Variants in BTG4 observed in about 807,000 individuals in gnomAD.
The protein encoded by BTG4 is BTG anti-proliferation factor 4.
BTG4 carries 10 observed loss-of-function variants against 19.3 expected under a neutral mutation model. That is an observed-to-expected ratio of 0.52 (90% confidence interval 0.32 to 0.88). BTG4 has a LOEUF of 0.88. Ranked by LOEUF, BTG4 falls within the 40% of genes least tolerant of loss-of-function variation. The probability of loss-of-function intolerance (pLI) is 0.04; values close to 1 mark genes in which losing one functional copy is unlikely to be tolerated. For synonymous variants in BTG4, 91 were observed against 95.7 expected (o/e 0.95, Z 0.29); for missense variants, 238 against 281.9 (o/e 0.84, Z 1.11).
the BTG4 span, chr11:111,404,600 A>G: frequency 2.2e-6 from 1 of 456,150 alleles, no homozygotes. Flanking sequence ...AGGGTAACAG[A>G]CCCCACATTG....
the BTG4 span, among the ~76,000 whole-genome samples, chr11:111,461,306 G>A: frequency 2.6e-5 from 4 of 152,188 alleles, no homozygotes; most frequent in African/African-American, 9.7e-5. Context: ...ACGATATGAG[G>A]AGGGTGAGAA....
the BTG4 span, among the ~76,000 whole-genome samples, chr11:111,435,538 G>A: frequency 6.6e-6 from 1 of 152,194 alleles, no homozygotes; most frequent in African/African-American, 2.4e-5. Context: ...GGCGAGGAAA[G>A]GAATTCTTTG....
intron 2 of BTG4, 27 bp from the exon 3 acceptor site, chr11:111,498,162 G>A (rs771963477): frequency 1.2e-6 from 2 of 1,611,406 alleles, no homozygotes; most frequent in Admixed American, 3.3e-5. Flanking sequence ...GGGAAACGAA[G>A]ACATGATGAC....
the BTG4 span, chr11:111,384,863 T>C: frequency 6.6e-6 from 1 of 152,126 alleles, no homozygotes; most frequent in East Asian, 1.9e-4. Context: ...GAGAACACCA[T>C]TTATATTATA....
At chr11:111,478,745 C>T (rs1864548803) in intron 5 of BTG4, among the ~76,000 whole-genome samples, 1 of 151,832 alleles carries the variant, frequency 6.6e-6, no homozygotes, top group South Asian at 2.1e-4. Context: ...ATAGGCTCAA[C>T]AGTAAAACGG....
chr11:111,456,588 C>A, the BTG4 span: 4 of 454,570 alleles, frequency 8.8e-6, no homozygotes, highest in Non-Finnish European at 1.8e-5. This position sits in a 1 kb window ranked among gnomAD's most constrained non-coding sequence, Gnocchi z 4.2. Flanking sequence ...CTGGCCCCAA[C>A]TCCTTGATGC....
chr11:111,513,268 C>G (rs541155753), upstream of BTG4, among the ~76,000 whole-genome samples: 3 of 152,362 alleles, frequency 2.0e-5, no homozygotes, highest in Admixed American at 1.3e-4. Flanking sequence ...TGAAGCCCCT[C>G]CATCCATGTA....
the BTG4 span, among the ~76,000 whole-genome samples, chr11:111,434,386 C>T: frequency 1.8e-4 from 27 of 152,142 alleles, no homozygotes; most frequent in African/African-American, 4.3e-4. Context: ...GAACATCCCA[C>T]ACTGGGGCCT....
the BTG4 span, among the ~76,000 whole-genome samples, chr11:111,429,601 A>G: frequency 2.2e-4 from 34 of 152,346 alleles, no homozygotes; most frequent in African/African-American, 7.0e-4. Context: ...AGGAAAAGGG[A>G]CATTTCTGGA....
intron 1 of BTG4, 142 bp from the exon 2 acceptor site, chr11:111,498,944 G>A (rs1865905960): frequency 3.5e-6 from 2 of 574,328 alleles, no homozygotes; most frequent in African/African-American, 3.8e-5. Context: ...AGTAAACTAG[G>A]TAAGTACATG....
chr11:111,399,710 A>G, the BTG4 span, among the ~76,000 whole-genome samples: 1 of 152,166 alleles, frequency 6.6e-6, no homozygotes, highest in African/African-American at 2.4e-5. Flanking sequence ...GCAGTCTCTG[A>G]GAGTGAACTC....
At chr11:111,419,360 A>G in the BTG4 span, among the ~76,000 whole-genome samples, 1 of 152,216 alleles carries the variant, frequency 6.6e-6, no homozygotes, top group Admixed American at 6.5e-5. Context: ...AACCCTAGAG[A>G]TACAAAGCTT....
the BTG4 span, among the ~76,000 whole-genome samples, chr11:111,446,497 G>C: frequency 6.6e-6 from 1 of 152,146 alleles, no homozygotes; most frequent in Admixed American, 6.6e-5. Context: ...TGTTGAATCA[G>C]AATCTCTGTC....
At chr11:111,401,481 C>CAA in the BTG4 span, among the ~76,000 whole-genome samples, 48,589 of 137,558 alleles carry the variant, frequency 0.35, 8,546 homozygotes, top group Admixed American at 0.45. Flanking sequence ...GACTCCGTCT[C>CAA]AAAAAAAAAA....
At chr11:111,411,091 A>T in the BTG4 span, among the ~76,000 whole-genome samples, 1 of 152,156 alleles carries the variant, frequency 6.6e-6, no homozygotes, top group Non-Finnish European at 1.5e-5. Flanking sequence ...CTTCCACAGT[A>T]ACAGCAGCCA....
chr11:111,448,623 G>A, the BTG4 span: 2 of 152,852 alleles, frequency 1.3e-5, no homozygotes, highest in East Asian at 1.9e-4. Context: ...GCCAGAGAAG[G>A]GCAAGGACAC....
the BTG4 span, among the ~76,000 whole-genome samples, chr11:111,415,716 A>G: frequency 6.6e-6 from 1 of 152,116 alleles, no homozygotes. Context: ...GGGTGGGGGA[A>G]AATTAGAGGA....
the BTG4 span, among the ~76,000 whole-genome samples, chr11:111,410,219 T>A: frequency 1.3e-5 from 2 of 151,886 alleles, no homozygotes; most frequent in African/African-American, 2.4e-5. Context: ...CTCTGTCACC[T>A]CAGACTCCCA....
intron 4 of BTG4, chr11:111,496,513 G>C (rs1036600286): frequency 6.6e-6 from 1 of 152,126 alleles, no homozygotes; most frequent in Non-Finnish European, 1.5e-5. Flanking sequence ...GGAGGCAAAT[G>C]AATATTAAAA....
Sources: gnomAD v4.1 joint callset for allele counts (sites outside exome capture counted in the v4.1 genomes callset) on GRCh38, gnomAD v4.1.1 for gene constraint, Gnocchi (gnomAD v3.1) non-coding constraint, MANE v1.5 for transcripts, NCBI Gene and HGNC (gene_info 2026-07-23, HGNC 2026-07-21) for gene names.